Variants in LRMDA observed in about 807,000 individuals in gnomAD.
LRMDA encodes leucine rich melanocyte differentiation associated.
A neutral mutation model predicts 29.8 loss-of-function variants in LRMDA; 18 were observed. The ratio of observed to expected loss-of-function variants is 0.60; its 90% confidence interval spans 0.42 to 0.90. The LOEUF is 0.90. Among genes scored for constraint, LRMDA ranks in the 40% least tolerant of loss-of-function variants. The pLI is 0.00. For synonymous variants in LRMDA, 125 were observed against 109.4 expected (o/e 1.14, Z -0.89); for missense variants, 273 against 273.9 (o/e 1.00, Z 0.02).
At chr10:75,505,434 A>G (rs1250562375) in intron 2 of LRMDA, among the ~76,000 whole-genome samples, 1 of 152,160 alleles carries the variant, frequency 6.6e-6, no homozygotes, top group African/African-American at 2.4e-5. Flanking sequence ...GTAGATAATC[A>G]GGGGACAGCC....
chr10:75,750,058 C>T (rs1425108209), intron 2 of LRMDA, among the ~76,000 whole-genome samples: 1 of 152,232 alleles, frequency 6.6e-6, no homozygotes, highest in Non-Finnish European at 1.5e-5. Flanking sequence ...AATCTGATTT[C>T]TCTTTCTTTT....
Position 76,559,206 on chromosome 10 carries a change from G to C in LRMDA, c.*1918G>C, listed in dbSNP as rs141492031. On this transcript the variant is annotated 3_prime_UTR_variant, in exon 7 of 7. Transcript: ENST00000611255. ...TAACCCTGCCTCAAACAATAAAAAA[G>C]CACTTGTGAACTGACCACAGAATTT... The C allele has an allele frequency of 6.6e-6, 1 of 152,132 alleles. No individual in the cohort carries two copies. Among genetic ancestry groups the C allele is most frequent in the African/African-American group, 2.4e-5 (1 of 41,486 alleles). The allele number at this position is 152,132 out of a possible 1,614,324, so 9.4% of individuals were successfully genotyped here.
rs190438654 is a variant in LRMDA at position 75,504,792 on chromosome 10, T to C, written c.131+66298T>C. On this transcript the variant is annotated intron_variant, in intron 2 of 6. Coordinates refer to ENST00000611255, the MANE Select transcript of LRMDA (RefSeq NM_001305581.2). ...GTAGGGATTACCACGCTGAGCCTTG[T>C]AAGGTGTGTATAAAGATTTTTACTG... Among the ~76,000 whole-genome samples the C allele has an allele frequency of 3.2e-3, 482 of 152,218 alleles. 6 individuals carry two copies. The highest frequency in any genetic ancestry group is 0.011 in the African/African-American group (462 of 41,532).
At chr10:75,585,451 TTCTTG>T (rs1213186019) in intron 2 of LRMDA, among the ~76,000 whole-genome samples, 1 of 152,206 alleles carries the variant, frequency 6.6e-6, no homozygotes, top group Non-Finnish European at 1.5e-5. Flanking sequence ...GTTATGAACA[TTCTTG>T]TCTGTCTTTT....
chr10:75,931,099 T>A (rs1387049479), intron 2 of LRMDA, among the ~76,000 whole-genome samples: 4 of 152,200 alleles, frequency 2.6e-5, no homozygotes, highest in Non-Finnish European at 2.9e-5. Flanking sequence ...CGCTACTGCA[T>A]CAATTTGCTT....
intron 2 of LRMDA, among the ~76,000 whole-genome samples, chr10:75,455,188 G>A (rs1272153594): frequency 6.6e-6 from 1 of 152,190 alleles, no homozygotes; most frequent in Admixed American, 6.5e-5. Context: ...GACTAAATGA[G>A]AGTGGGAACT....
intron 2 of LRMDA, among the ~76,000 whole-genome samples, chr10:75,731,292 A>C (rs138562630): frequency 6.6e-6 from 1 of 152,370 alleles, no homozygotes; most frequent in African/African-American, 2.4e-5. Context: ...ATGGAAATGC[A>C]AAGAGGTGAA....
At chr10:76,215,702 T>A (rs1851716519) in intron 5 of LRMDA, among the ~76,000 whole-genome samples, 1 of 152,178 alleles carries the variant, frequency 6.6e-6, no homozygotes. Context: ...CACGTTGTTC[T>A]TGAAAAAAGA....
chr10:75,536,262 C>T (rs940851344), intron 2 of LRMDA, among the ~76,000 whole-genome samples: 6 of 151,716 alleles, frequency 4.0e-5, no homozygotes, highest in Non-Finnish European at 8.8e-5. Context: ...CTATTGTACT[C>T]GGGGTCCATT....
intron 2 of LRMDA, among the ~76,000 whole-genome samples, chr10:75,961,371 G>A (rs536342388): frequency 3.3e-5 from 5 of 152,274 alleles, no homozygotes; most frequent in South Asian, 2.1e-4. Flanking sequence ...GCAAGGTGTT[G>A]TTTTGTTTTA....
At chr10:75,692,376 C>T (rs559457004) in intron 2 of LRMDA, among the ~76,000 whole-genome samples, 2 of 147,014 alleles carry the variant, frequency 1.4e-5, no homozygotes, top group East Asian at 2.0e-4. Flanking sequence ...ATCTCTTATC[C>T]CATTGTGCCT....
chr10:76,406,413 A>T (rs1045978168), intron 6 of LRMDA, among the ~76,000 whole-genome samples: 2 of 152,190 alleles, frequency 1.3e-5, no homozygotes, highest in African/African-American at 4.8e-5. Flanking sequence ...TGGAACAGAG[A>T]TGTTGGGATA....
intron 2 of LRMDA, among the ~76,000 whole-genome samples, chr10:75,696,504 T>G (rs1288840934): frequency 6.6e-6 from 1 of 152,244 alleles, no homozygotes; most frequent in Non-Finnish European, 1.5e-5. Context: ...TGATTGGTTA[T>G]TCACAAAAGA....
At chr10:76,108,237 G>C (rs1038530108) in intron 5 of LRMDA, among the ~76,000 whole-genome samples, 1 of 152,072 alleles carries the variant, frequency 6.6e-6, no homozygotes, top group Non-Finnish European at 1.5e-5. Context: ...CCAATTGATC[G>C]GCGAACAAAT....
intron 2 of LRMDA, among the ~76,000 whole-genome samples, chr10:75,801,665 A>G (rs753312205): frequency 6.6e-6 from 1 of 152,194 alleles, no homozygotes; most frequent in Non-Finnish European, 1.5e-5. Flanking sequence ...CTGGGGTGGA[A>G]GCTGGAGGCC....
At chr10:76,107,586 A>G (rs960948693) in intron 5 of LRMDA, among the ~76,000 whole-genome samples, 7 of 152,128 alleles carry the variant, frequency 4.6e-5, no homozygotes, top group African/African-American at 1.2e-4. Flanking sequence ...GAAGAGAGCA[A>G]TGAACCTTCT....
At chr10:76,141,866 T>C (rs957702166) in intron 5 of LRMDA, among the ~76,000 whole-genome samples, 7 of 152,130 alleles carry the variant, frequency 4.6e-5, no homozygotes, top group Non-Finnish European at 8.8e-5. Flanking sequence ...CTCCTAGTTA[T>C]TTTCTGTCTC....
chr10:76,109,712 T>G (rs1849545475), intron 5 of LRMDA, among the ~76,000 whole-genome samples: 1 of 152,216 alleles, frequency 6.6e-6, no homozygotes, highest in Non-Finnish European at 1.5e-5. Context: ...ACCATTAGCT[T>G]AATTCCCTCC....
At chr10:75,628,517 A>G (rs1841280624) in intron 2 of LRMDA, among the ~76,000 whole-genome samples, 1 of 152,348 alleles carries the variant, frequency 6.6e-6, no homozygotes. Flanking sequence ...GATCAAATGT[A>G]CTTCACAGTG....
Sources: gnomAD v4.1 joint callset for allele counts (sites outside exome capture counted in the v4.1 genomes callset) on GRCh38, gnomAD v4.1.1 for gene constraint, MANE v1.5 for transcripts, NCBI Gene and HGNC (gene_info 2026-07-23, HGNC 2026-07-21) for gene names.